GALNT15: variants seen among roughly 807,000 people sequenced by gnomAD.
The protein encoded by GALNT15 is UDP-GalNAc transferase T15.
Under a neutral mutation model 66.8 loss-of-function variants are expected in GALNT15, and 67 were observed. The observed-to-expected ratio is 1.00, with a 90% CI of 0.82 to 1.23. The LOEUF (loss-of-function observed/expected upper bound fraction) is 1.23, where lower values mean the gene tolerates loss of function less well. Among genes scored for constraint, GALNT15 ranks in the 50% most tolerant of loss-of-function variants. GALNT15 has a pLI of 0.00. For synonymous variants in GALNT15, 313 were observed against 311.5 expected (o/e 1.00, Z -0.05); for missense variants, 827 against 804.3 (o/e 1.03, Z -0.34).
Position 16,211,093 on chromosome 3 carries a change from C to T in GALNT15, c.1080-31C>T. ...CGCCTGCTGTGCTCTGGGTTCTGAA[C>T]TGCAGTGTCCTGCCTGTCTTCTGTG... On this transcript the variant is annotated intron_variant, in intron 4 of 9. Transcript: ENST00000339732. The surrounding 1 kb of genome is among the most constrained non-coding windows in gnomAD (Gnocchi z 4.3). 6.6e-7 allele frequency: 1 copy of T among 1,523,552 alleles called. No individual in the cohort carries two copies. The highest frequency in any genetic ancestry group is 9.1e-7 in the Non-Finnish European group (1 of 1,098,352). 94.4% of individuals were successfully genotyped at this position (1,523,552 alleles called of 1,614,324 possible). A position where few individuals can be genotyped will look rare whatever the true frequency, so the allele number is the denominator to read the frequency against.
At chr3:16,221,873 C>A (rs1175590085) in intron 8 of GALNT15, among the ~76,000 whole-genome samples, 1 of 152,128 alleles carries the variant, frequency 6.6e-6, no homozygotes, top group East Asian at 1.9e-4. Flanking sequence ...TGCAAGATGA[C>A]AATGTAGTCT....
In GALNT15 at chr3:16,175,575, G is replaced by A; in HGVS notation, c.424G>A (p.Glu142Lys). ...KRDWGADEDGEVSEEEELTPF... is the reference protein window; with the variant it reads ...KRDWGADEDGKVSEEEELTPF... ...GGACTGGGGGGCTGATGAGGACGGG[G>A]AGGTGTCTGAAGAAGAGGAGTTGAC... The change falls in exon 1 of 10, where the codon GAG becomes AAG. Residue 142 changes from glutamate (E) to lysine (K), a missense_variant. Physicochemically the swap from Glu to Lys is moderately conservative, Grantham distance 56. Transcript: ENST00000339732. The surrounding 1 kb of genome is among the most constrained non-coding windows in gnomAD (Gnocchi z 5.6). 6 of 1,613,896 alleles carry A rather than the reference G, an allele frequency of 3.7e-6. No homozygotes were observed. The highest frequency in any genetic ancestry group is 5.1e-6 in the Non-Finnish European group (6 of 1,179,994).
rs2064064717 is a variant in GALNT15, at chr3:16,229,787, G to A, written c.*2287G>A. The A allele has an allele frequency of 4.1e-6, 4 of 968,972 alleles. No individual in the cohort carries two copies. The Admixed American group carries it at 1.8e-4, about 45-fold the overall frequency. 60.0% of individuals were successfully genotyped at this position (968,972 alleles called of 1,614,324 possible). On this transcript the variant is annotated 3_prime_UTR_variant, in exon 10 of 10. Coordinates refer to ENST00000339732, the MANE Select transcript of GALNT15 (RefSeq NM_054110.5). The stretch of plus-strand genomic sequence containing the variant: ...GGCAATTAACAAAAGGACCCAGATG[G>A]CTTATTGCCTAATTGGGTGAACAAA...
At chr3:16,242,343 A>C in the GALNT15 span, among the ~76,000 whole-genome samples, 1 of 152,110 alleles carries the variant, frequency 6.6e-6, no homozygotes, top group Non-Finnish European at 1.5e-5. The surrounding 1 kb of genome is among the most constrained non-coding windows in gnomAD (Gnocchi z 5.6). Context: ...TCTACTGTTT[A>C]CTCTGACTGA....
intron 4 of GALNT15, among the ~76,000 whole-genome samples, chr3:16,210,784 C>T (rs2063804416): frequency 2.0e-5 from 3 of 152,156 alleles, no homozygotes; most frequent in Non-Finnish European, 4.4e-5. Context: ...CTTAGAGTAC[C>T]TGATTTTAAG....
At chr3:16,238,429 T>G in the GALNT15 span, among the ~76,000 whole-genome samples, 1 of 152,170 alleles carries the variant, frequency 6.6e-6, no homozygotes, top group Non-Finnish European at 1.5e-5. This position sits in a 1 kb window ranked among gnomAD's most constrained non-coding sequence, Gnocchi z 4.8. Flanking sequence ...ACTATTACTA[T>G]TGTAATGTTG....
At chr3:16,196,370 A>G (rs2063638010) in intron 2 of GALNT15, among the ~76,000 whole-genome samples, 1 of 152,164 alleles carries the variant, frequency 6.6e-6, no homozygotes, top group Non-Finnish European at 1.5e-5. Context: ...CATGGCTTAG[A>G]CAGACCCACT....
chr3:16,198,946 G>C lies in GALNT15; in HGVS notation c.707-1673G>C, dbSNP rs891395968. 1.1e-4 allele frequency among the ~76,000 whole-genome samples: 15 copies of C among 142,266 alleles called. 4 individuals are homozygous for C. The highest frequency in any genetic ancestry group is 2.0e-4 in the Non-Finnish European group (13 of 64,252). The allele number at this position is 142,266 out of a possible 152,430, so 93.3% of individuals were successfully genotyped here. On this transcript the variant is annotated intron_variant, in intron 2 of 9. Coordinates refer to ENST00000339732, the MANE Select transcript of GALNT15 (RefSeq NM_054110.5). ...AGGCCACCTCTGGGCTGGGGAACTG[G>C]GGGGGAAATTCTTGCTTTTTGGCTC...
intron 6 of GALNT15, among the ~76,000 whole-genome samples, chr3:16,213,436 C>G (rs2063839522): frequency 1.1e-5 from 1 of 93,674 alleles, no homozygotes; most frequent in Non-Finnish European, 1.8e-5. Context: ...GCCTGAGTGA[C>G]AGAGCAACTC....
the GALNT15 span, chr3:16,243,958 G>A: frequency 1.0e-6 from 1 of 981,994 alleles, no homozygotes; most frequent in South Asian, 4.7e-5. Context: ...TAAGTAAGGA[G>A]CGGGCTCCAG....
chr3:16,225,488 A>T lies in GALNT15; in HGVS notation c.1774-1866A>T, dbSNP rs957157051. 6.6e-6 allele frequency among the ~76,000 whole-genome samples: 1 copy of T among 152,212 alleles called. No individual in the cohort carries two copies. Among genetic ancestry groups the T allele is most frequent in the Non-Finnish European group, 1.5e-5 (1 of 68,024 alleles). On this transcript the variant is annotated intron_variant, in intron 9 of 9. Transcript: ENST00000339732. This position sits in a 1 kb window ranked among gnomAD's most constrained non-coding sequence, Gnocchi z 4.4. ...GAGGCAGGTGGATCACGAGGTCAGG[A>T]GGCTGAGACCAGCCTGGCCAATATG...
In GALNT15 at chr3:16,218,413, G is replaced by C. The variant is rs1307391456; in HGVS notation, c.1393-990G>C. Among the ~76,000 whole-genome samples the C allele has an allele frequency of 2.6e-5, 4 of 152,176 alleles. No individual in the cohort carries two copies. The East Asian group carries it at 5.8e-4, about 22-fold the overall frequency. ...CTTGTCACCTCTCTCTTCCCTAAAA[G>C]TATCCAAGATTTGGTACTAAACTTT... On this transcript the variant is annotated intron_variant, in intron 6 of 9. Coordinates refer to ENST00000339732, the MANE Select transcript of GALNT15 (RefSeq NM_054110.5).
At chr3:16,215,921 A>AAAAAAAAAAAAAAAAAC (rs2063869481) in intron 6 of GALNT15, among the ~76,000 whole-genome samples, 1 of 151,450 alleles carries the variant, frequency 6.6e-6, no homozygotes, top group Non-Finnish European at 1.5e-5. Flanking sequence ...AAAAAAAAAA[A>AAAAAAAAAAAAAAAAAC]AAAAGAAGAG....
intron 1 of GALNT15, among the ~76,000 whole-genome samples, chr3:16,179,436 C>T (rs1045059584): frequency 1.3e-5 from 2 of 152,182 alleles, no homozygotes; most frequent in Admixed American, 6.5e-5. Context: ...ATGGGGAGAA[C>T]TCACACGGGT....
chr3:16,244,108 A>T, the GALNT15 span: 7 of 651,128 alleles, frequency 1.1e-5, no homozygotes, highest in East Asian at 9.6e-4. Context: ...ACAGGCACCG[A>T]TCGATAGGAC....
At chr3:16,210,023 C>T (rs1290571641) in intron 4 of GALNT15, among the ~76,000 whole-genome samples, 2 of 152,170 alleles carry the variant, frequency 1.3e-5, no homozygotes, top group Non-Finnish European at 2.9e-5. Flanking sequence ...ATGTATGTCC[C>T]TCTTTAAAGT....
chr3:16,243,141 G>A, the GALNT15 span, among the ~76,000 whole-genome samples: 1 of 152,198 alleles, frequency 6.6e-6, no homozygotes, highest in African/African-American at 2.4e-5. Context: ...TCACTCCCTG[G>A]GATACACTTT....
In GALNT15 at chr3:16,187,792, G is replaced by A. The variant is rs2063532968; in HGVS notation, c.540-7968G>A. On this transcript the variant is annotated intron_variant, in intron 1 of 9. Transcript: ENST00000339732. The surrounding 1 kb of genome is among the most constrained non-coding windows in gnomAD (Gnocchi z 5.1). Reference sequence around the variant, plus strand: ...GGGAGGAATAAATGTAATAATTCTTGTAATAATTCATGCTGCTAAAGCACA... The same window carrying A: ...GGGAGGAATAAATGTAATAATTCTTATAATAATTCATGCTGCTAAAGCACA... 6.6e-6 allele frequency among the ~76,000 whole-genome samples: 1 copy of A among 152,160 alleles called. No individual in the cohort carries two copies. Among genetic ancestry groups the A allele is most frequent in the African/African-American group, 2.4e-5 (1 of 41,430 alleles).
chr3:16,192,037 G>T (rs1278796966), intron 1 of GALNT15, among the ~76,000 whole-genome samples: 1 of 152,084 alleles, frequency 6.6e-6, no homozygotes, highest in East Asian at 1.9e-4. Flanking sequence ...GGGTAATTAT[G>T]GTTACCCTTA....
Sources: gnomAD v4.1 joint callset for allele counts (sites outside exome capture counted in the v4.1 genomes callset) on GRCh38, gnomAD v4.1.1 for gene constraint, Gnocchi (gnomAD v3.1) non-coding constraint, MANE v1.5 for transcripts, NCBI Gene and HGNC (gene_info 2026-07-23, HGNC 2026-07-21) for gene names.